PLCB4: variants seen among roughly 807,000 people sequenced by gnomAD.
PLCB4 encodes the protein 1-phosphatidylinositol 4,5-bisphosphate phosphodiesterase beta-4.
A neutral mutation model predicts 178.8 loss-of-function variants in PLCB4; 77 were observed. The ratio of observed to expected loss-of-function variants is 0.43; its 90% CI spans 0.36 to 0.52. PLCB4 has a LOEUF of 0.52. Among genes scored for constraint, PLCB4 ranks in the 20% least tolerant of loss-of-function variants. PLCB4 has a pLI of 0.00. For missense variants in PLCB4, 1,024 were observed against 1,453.4 expected (o/e 0.70, Z 4.80); for synonymous variants, 496 against 490.8 (o/e 1.01, Z -0.14).
chr20:9,207,064 C>T (rs1250233870), intron 2 of PLCB4, among the ~76,000 whole-genome samples: 6 of 151,984 alleles, frequency 3.9e-5, no homozygotes, highest in African/African-American at 7.2e-5. Context: ...TGCAGTGAGC[C>T]GAGATCGTGC....
intron 1 of PLCB4, among the ~76,000 whole-genome samples, chr20:9,077,779 C>T (rs891299923): frequency 2.0e-5 from 3 of 152,158 alleles, no homozygotes; most frequent in African/African-American, 7.2e-5. Context: ...ACAGATCAGA[C>T]GTTGATACTG....
intron 7 of PLCB4, among the ~76,000 whole-genome samples, chr20:9,340,335 C>A (rs1252274556): frequency 6.6e-6 from 1 of 152,092 alleles, no homozygotes; most frequent in Non-Finnish European, 1.5e-5. Context: ...AGTACAGACC[C>A]CTCCTGGGAG....
chr20:9,173,535 T>C (rs1350085043), intron 2 of PLCB4, among the ~76,000 whole-genome samples: 1 of 152,198 alleles, frequency 6.6e-6, no homozygotes, highest in African/African-American at 2.4e-5. Flanking sequence ...GGTAGTCAAA[T>C]AGGCCTGCAG....
chr20:9,256,353 A>G (rs763535785), intron 3 of PLCB4, among the ~76,000 whole-genome samples: 7 of 152,156 alleles, frequency 4.6e-5, no homozygotes, highest in Non-Finnish European at 8.8e-5. Flanking sequence ...TGCGAGATAC[A>G]TCCTGTACCT....
intron 17 of PLCB4, among the ~76,000 whole-genome samples, chr20:9,392,661 A>G (rs1750057944): frequency 6.6e-6 from 1 of 152,210 alleles, no homozygotes. Flanking sequence ...GAGTGGGAGC[A>G]GGACACAAAT....
At chr20:9,173,592 C>T (rs546876644) in intron 2 of PLCB4, among the ~76,000 whole-genome samples, 2 of 152,258 alleles carry the variant, frequency 1.3e-5, no homozygotes, top group Non-Finnish European at 2.9e-5. Flanking sequence ...GTATTCCTTG[C>T]CTTGTCCAGC....
At chr20:9,284,002 C>T (rs1395413992) in intron 3 of PLCB4, among the ~76,000 whole-genome samples, 1 of 151,942 alleles carries the variant, frequency 6.6e-6, no homozygotes, top group Non-Finnish European at 1.5e-5. Context: ...ATATTGAGCA[C>T]CCACTACGTG....
chr20:9,243,682 C>T (rs1013664540), intron 3 of PLCB4, among the ~76,000 whole-genome samples: 1 of 151,940 alleles, frequency 6.6e-6, no homozygotes, highest in African/African-American at 2.4e-5. Flanking sequence ...TTTTTTAAAA[C>T]GTGGATATAA....
intron 3 of PLCB4, chr20:9,280,361 G>A (rs776429335): frequency 1.5e-6 from 1 of 649,478 alleles, no homozygotes; most frequent in Non-Finnish European, 1.9e-6. Context: ...CTTCACATTG[G>A]ATTTCCAAGT....
intron 3 of PLCB4, among the ~76,000 whole-genome samples, chr20:9,225,466 GA>G (rs371347703): frequency 4.3e-4 from 65 of 152,272 alleles, no homozygotes; most frequent in African/African-American, 1.4e-3. Context: ...GTCGAGTCTA[GA>G]AAAATAGTCT....
intron 27 of PLCB4, among the ~76,000 whole-genome samples, chr20:9,423,328 A>G (rs999813113): frequency 2.0e-5 from 3 of 152,238 alleles, no homozygotes; most frequent in Non-Finnish European, 4.4e-5. Flanking sequence ...ATTCTTAAAA[A>G]CAAACAAATA....
At chr20:9,280,894 C>A (rs1601591442) in intron 3 of PLCB4, among the ~76,000 whole-genome samples, 3 of 138,720 alleles carry the variant, frequency 2.2e-5, no homozygotes, top group South Asian at 2.3e-4. Context: ...TATAGTTCAG[C>A]AAAGGAAGGA....
chr20:9,390,828 T>C (rs551433573), intron 17 of PLCB4, among the ~76,000 whole-genome samples: 6 of 152,322 alleles, frequency 3.9e-5, no homozygotes, highest in African/African-American at 9.6e-5. Context: ...TTGGGTCTTA[T>C]GGTTTTCAGA....
chr20:9,364,916 G>A (rs370942683), intron 8 of PLCB4, among the ~76,000 whole-genome samples: 14 of 152,256 alleles, frequency 9.2e-5, no homozygotes, highest in East Asian at 1.9e-4. Flanking sequence ...TTAAGGAGGC[G>A]CCCATGTGAT....
At chr20:9,343,107 C>G (rs2033419499) in intron 7 of PLCB4, among the ~76,000 whole-genome samples, 1 of 152,116 alleles carries the variant, frequency 6.6e-6, no homozygotes, top group African/African-American at 2.4e-5. Flanking sequence ...TTATAAACAC[C>G]TGATGAGTCT....
Position 9,338,068 on chromosome 20 carries a change from G to T in PLCB4, c.225+1G>T. On this transcript the variant is annotated splice_donor_variant, in intron 6 of 39. Coordinates refer to ENST00000378473, the MANE Select transcript of PLCB4 (RefSeq NM_001377142.1). LOFTEE classifies it high-confidence loss of function. ...TATTCGGTCGGGAGCCATACCAAAG[G>T]TACCTGTGATTGGTATTTGCTTTTC... 1 of 1,598,528 alleles carries T rather than the reference G, an allele frequency of 6.3e-7. No homozygotes were observed. The highest frequency in any genetic ancestry group is 8.6e-7 in the Non-Finnish European group (1 of 1,166,108).
At chr20:9,374,435 T>G (rs1015072909) in intron 12 of PLCB4, among the ~76,000 whole-genome samples, 8 of 152,234 alleles carry the variant, frequency 5.3e-5, no homozygotes, top group Non-Finnish European at 1.2e-4. Context: ...CTTCCCCTTC[T>G]TCTGCCTTTT....
intron 24 of PLCB4, 58 bp from the exon 25 acceptor site, chr20:9,410,979 G>T (rs371208971): frequency 7.9e-7 from 1 of 1,259,420 alleles, no homozygotes; most frequent in Non-Finnish European, 1.2e-6. Context: ...AAATCACCCC[G>T]TCAGGGTCTT....
At chr20:9,149,369 C>T (rs1166135845) in intron 2 of PLCB4, among the ~76,000 whole-genome samples, 1 of 152,172 alleles carries the variant, frequency 6.6e-6, no homozygotes, top group Admixed American at 6.6e-5. Flanking sequence ...GGCTGCTTCA[C>T]TGTCCCTCTG....
Sources: allele counts gnomAD v4.1 joint callset (sites outside exome capture counted in the v4.1 genomes callset), GRCh38; gene constraint gnomAD v4.1.1; transcripts MANE v1.5; gene names NCBI Gene and HGNC (gene_info 2026-07-23, HGNC 2026-07-21).